PDCL3: variants seen among roughly 807,000 people sequenced by gnomAD.
PDCL3 encodes the protein phosducin-like protein 3.
Under a neutral mutation model 26.5 loss-of-function variants are expected in PDCL3, and 22 were observed. The observed-to-expected ratio is 0.83, with a 90% CI of 0.59 to 1.19. PDCL3 has a LOEUF of 1.19. Ranked by LOEUF, PDCL3 falls within the 50% of genes most tolerant of loss-of-function variation. PDCL3 has a pLI of 0.00. For missense variants in PDCL3, 246 were observed against 294.1 expected (o/e 0.84, Z 1.20); for synonymous variants, 81 against 104.9 (o/e 0.77, Z 1.39).
intron 4 of PDCL3, 115 bp from the exon 5 acceptor site, chr2:100,571,475 C>A: frequency 1.1e-6 from 1 of 907,346 alleles, no homozygotes; most frequent in Non-Finnish European, 1.7e-6. Context: ...TAGCTAGCAG[C>A]AGAATTACTT....
intron 2 of PDCL3, among the ~76,000 whole-genome samples, chr2:100,568,624 ACT>A (rs551089454): frequency 1.2e-3 from 179 of 152,148 alleles, no homozygotes; most frequent in Admixed American, 2.3e-3. Flanking sequence ...CAAGAGTGAA[ACT>A]CTGTCTCCAA....
At chr2:100,563,319 C>T in intron 1 of PDCL3, 1 of 479,422 alleles carries the variant, frequency 2.1e-6, no homozygotes, top group East Asian at 3.6e-5. Flanking sequence ...GGGACTATGT[C>T]TTCTCGCGGT....
chr2:100,563,126 G>A, intron 1 of PDCL3, 53 bp downstream of exon 1: 2 of 1,568,032 alleles, frequency 1.3e-6, no homozygotes, highest in South Asian at 1.2e-5. Flanking sequence ...CCTTTGTCTC[G>A]TTAGGCCCGG....
intron 5 of PDCL3, among the ~76,000 whole-genome samples, chr2:100,575,002 G>A (rs1675251587): frequency 2.6e-5 from 4 of 152,168 alleles, no homozygotes; most frequent in South Asian, 2.1e-4. Context: ...GGAGATGGGC[G>A]GGAGGATCAT....
intron 5 of PDCL3, among the ~76,000 whole-genome samples, chr2:100,574,513 A>C (rs989759122): frequency 2.6e-5 from 4 of 152,056 alleles, no homozygotes; most frequent in African/African-American, 4.8e-5. Context: ...GATATACAAC[A>C]TGGAGATTTA....
intron 5 of PDCL3, among the ~76,000 whole-genome samples, chr2:100,572,246 C>G (rs541492389): frequency 2.0e-5 from 3 of 152,292 alleles, no homozygotes; most frequent in South Asian, 2.1e-4. Context: ...GAGTCTTGCT[C>G]TGTCACCCAG....
At chr2:100,576,173 C>A (rs1001183570) in intron 5 of PDCL3, among the ~76,000 whole-genome samples, 181 bp from the exon 6 acceptor site, 7 of 152,252 alleles carry the variant, frequency 4.6e-5, no homozygotes, top group Admixed American at 4.6e-4. Flanking sequence ...ACCTCCCAGG[C>A]TCAGGTGATC....
At chr2:100,564,340 AGGCTGGAGTGCAGTGGCGCGACCTC>A in intron 1 of PDCL3, among the ~76,000 whole-genome samples, 1 of 151,810 alleles carries the variant, frequency 6.6e-6, no homozygotes, top group African/African-American at 2.4e-5. Context: ...TCTGTCGCCC[AGGCTGGAGTGCAGTGGCGCGACCTC>A]GGCTCACTGC....
chr2:100,565,535 A>G (rs1420437722), intron 1 of PDCL3, among the ~76,000 whole-genome samples: 1 of 151,682 alleles, frequency 6.6e-6, no homozygotes, highest in Non-Finnish European at 1.5e-5. Context: ...CTGCCTCCCA[A>G]AGTGCTGGGA....
In PDCL3 at chr2:100,576,716, C is replaced by G. The variant is rs578160473; in HGVS notation, c.*220C>G. 2.5e-5 allele frequency: 11 copies of G among 435,896 alleles called. No homozygotes were observed. The highest frequency in any genetic ancestry group is 4.5e-5 in the Admixed American group (1 of 22,064). 27.0% of individuals were successfully genotyped at this position (435,896 alleles called of 1,614,324 possible). A position where few individuals can be genotyped will look rare whatever the true frequency, so the allele number is the denominator to read the frequency against. On this transcript the variant is annotated 3_prime_UTR_variant, in exon 6 of 6. Coordinates refer to ENST00000264254, the MANE Select transcript of PDCL3 (RefSeq NM_024065.5). ...GTATTTCCTCTAAAAAAAATTAAAACCAGCCATTTGTATGGCAAATGTCTG... is the reference window on the plus strand; with the variant it reads ...GTATTTCCTCTAAAAAAAATTAAAAGCAGCCATTTGTATGGCAAATGTCTG...
chr2:100,563,512 G>A (rs1264766150), intron 1 of PDCL3: 2 of 162,158 alleles, frequency 1.2e-5, no homozygotes, highest in African/African-American at 4.8e-5. Flanking sequence ...AGAGCCAGGT[G>A]AGGGCTTAGT....
At chr2:100,569,320 G>A (rs958934250) in intron 3 of PDCL3, among the ~76,000 whole-genome samples, 3 of 152,128 alleles carry the variant, frequency 2.0e-5, no homozygotes, top group Non-Finnish European at 2.9e-5. Context: ...CTGTGCCACT[G>A]CACTCCAGCC....
rs570822723 is a variant in PDCL3, at chr2:100,566,138, C to T, written c.7-365C>T. ...CAGGATGGTCTCTATCTCCTGACCT[C>T]GTGATCCGCCTGCCTCAGCCTCCCA... On this transcript the variant is annotated intron_variant, in intron 1 of 5. Transcript: ENST00000264254. Among the ~76,000 whole-genome samples, 7 of 151,852 alleles carry T rather than the reference C, an allele frequency of 4.6e-5. No individual in the cohort carries two copies. In the East Asian group the frequency reaches 7.8e-4, roughly 17 times the overall value.
At position 100,572,782 on chromosome 2, in the gene PDCL3, G is replaced by A. The variant is rs533419065; in HGVS notation, c.577+984G>A. 8.2e-4 allele frequency among the ~76,000 whole-genome samples: 125 copies of A among 152,184 alleles called. 1 individual carries two copies. Among genetic ancestry groups the A allele is most frequent in the South Asian group, 1.5e-3 (7 of 4,822 alleles). On this transcript the variant is annotated intron_variant, in intron 5 of 5. Coordinates refer to ENST00000264254, the MANE Select transcript of PDCL3 (RefSeq NM_024065.5). ...GATCCACCCGCCTCAGCCTCCCAAAGTGCTGGGATTACAGGCGTGAGCCAC... is the reference window on the plus strand; with the variant it reads ...GATCCACCCGCCTCAGCCTCCCAAAATGCTGGGATTACAGGCGTGAGCCAC...
intron 1 of PDCL3, chr2:100,563,444 C>T (rs937473781): frequency 2.1e-5 from 4 of 194,828 alleles, no homozygotes. Context: ...GCGGAGGGTC[C>T]GGCCTGGGGT....
chr2:100,563,220 G>T, intron 1 of PDCL3, 147 bp downstream of exon 1: 1 of 1,015,904 alleles, frequency 9.8e-7, no homozygotes, highest in Non-Finnish European at 1.4e-6. Context: ...CTGCGCAGGC[G>T]CAGTGCGGGA....
intron 5 of PDCL3, among the ~76,000 whole-genome samples, chr2:100,575,356 C>G (rs180950689): frequency 2.0e-5 from 3 of 152,112 alleles, no homozygotes; most frequent in South Asian, 2.1e-4. Flanking sequence ...AGGATGGTCT[C>G]GATCTCCAGA....
At chr2:100,567,873 A>AG (rs1675087361) in intron 2 of PDCL3, among the ~76,000 whole-genome samples, 1 of 148,462 alleles carries the variant, frequency 6.7e-6, no homozygotes, top group Non-Finnish European at 1.5e-5. Context: ...CCCAGGCTGG[A>AG]CTGCAGTGGC....
intron 5 of PDCL3, among the ~76,000 whole-genome samples, chr2:100,572,935 A>G (rs1478218733): frequency 6.6e-6 from 1 of 151,830 alleles, no homozygotes; most frequent in Admixed American, 6.6e-5. Context: ...CTCAGGCTGG[A>G]GTGCAGTGGT....
Sources: allele counts gnomAD v4.1 joint callset (sites outside exome capture counted in the v4.1 genomes callset), GRCh38; gene constraint gnomAD v4.1.1; transcripts MANE v1.5; gene names NCBI Gene and HGNC (gene_info 2026-07-23, HGNC 2026-07-21).